The following OPN3 variants were observed in gnomAD, a reference collection of about 807,000 sequenced individuals.
OPN3 encodes the protein opsin-3.
OPN3 carries 29 observed loss-of-function variants against 33.8 expected under a neutral mutation model. That is an observed-to-expected ratio of 0.86 (90% confidence interval 0.64 to 1.17). The LOEUF (loss-of-function observed/expected upper bound fraction) is 1.17, where lower values mean the gene tolerates loss of function less well. Among genes scored for constraint, OPN3 ranks in the 50% most tolerant of loss-of-function variants. The probability of loss-of-function intolerance (pLI) is 0.00; values close to 1 mark genes in which losing one functional copy is unlikely to be tolerated. For synonymous variants in OPN3, 216 were observed against 216.1 expected (o/e 1.00, Z 0.00); for missense variants, 437 against 514.1 (o/e 0.85, Z 1.45).
At chr1:241,623,890 C>T (rs12144208) in intron 1 of OPN3, among the ~76,000 whole-genome samples, 199 of 152,360 alleles carry the variant, frequency 1.3e-3, no homozygotes, top group Non-Finnish European at 2.4e-3. Flanking sequence ...TCAAGAAAAA[C>T]TTTCCACAGT....
At chr1:241,619,130 G>A (rs527740048) in intron 1 of OPN3, among the ~76,000 whole-genome samples, 1 of 152,242 alleles carries the variant, frequency 6.6e-6, no homozygotes, top group East Asian at 1.9e-4. Flanking sequence ...TTTGGAACTT[G>A]AGAACTTTCA....
At chr1:241,615,036 T>C (rs189287917) in intron 1 of OPN3, among the ~76,000 whole-genome samples, 1 of 152,230 alleles carries the variant, frequency 6.6e-6, no homozygotes, top group Admixed American at 6.5e-5. Context: ...AACAAGATGG[T>C]TAACAATGCA....
At chr1:241,607,880 T>C (rs1183381396) in intron 1 of OPN3, among the ~76,000 whole-genome samples, 2 of 152,306 alleles carry the variant, frequency 1.3e-5, no homozygotes, top group East Asian at 1.9e-4. Context: ...TAGTGATTAT[T>C]GGGACAATGA....
chr1:241,631,220 T>G (rs1664622205), intron 1 of OPN3: 1 of 152,096 alleles, frequency 6.6e-6, no homozygotes, highest in South Asian at 2.1e-4. Flanking sequence ...AATATATTCA[T>G]TTTCTTCATT....
At chr1:241,600,628 C>G (rs2071463485) in intron 2 of OPN3, 1 of 152,132 alleles carries the variant, frequency 6.6e-6, no homozygotes, top group South Asian at 2.1e-4. Flanking sequence ...AGCTATGTCT[C>G]CATCGTTGTT....
chr1:241,594,858 G>A (rs1413496559), intron 3 of OPN3, 167 bp from the exon 4 acceptor site: 1 of 669,850 alleles, frequency 1.5e-6, no homozygotes, highest in African/African-American at 1.8e-5. Context: ...TCACCCCAGA[G>A]CTTTATGTCT....
intron 1 of OPN3, chr1:241,628,751 T>C (rs952965300): frequency 6.6e-6 from 1 of 152,212 alleles, no homozygotes; most frequent in Non-Finnish European, 1.5e-5. Context: ...GCCACACATA[T>C]CTGAAGATGA....
At chr1:241,597,670 C>A (rs1663562583) in intron 3 of OPN3, 76 bp downstream of exon 3, 22 of 1,400,876 alleles carry the variant, frequency 1.6e-5, no homozygotes, top group Non-Finnish European at 2.0e-5. Context: ...CTCTGAATCA[C>A]CTCTGTAAAA....
At chr1:241,610,982 T>A (rs1663975672) in intron 1 of OPN3, among the ~76,000 whole-genome samples, 1 of 152,100 alleles carries the variant, frequency 6.6e-6, no homozygotes, top group East Asian at 1.9e-4. Flanking sequence ...AAAGTGGTAA[T>A]GCGTAAGGTA....
intron 1 of OPN3, chr1:241,631,345 T>C (rs761607713): frequency 6.6e-6 from 1 of 152,132 alleles, no homozygotes; most frequent in Non-Finnish European, 1.5e-5. Context: ...TAATCTGTGA[T>C]ACTGAAAATC....
chr1:241,631,868 C>G (rs1047693204), intron 1 of OPN3: 1 of 152,048 alleles, frequency 6.6e-6, no homozygotes, highest in Admixed American at 6.6e-5. Context: ...TCTCCTGCAG[C>G]GCCTACACTC....
At chr1:241,634,787 T>A (rs1342542285) in intron 1 of OPN3, 1 of 1,613,846 alleles carries the variant, frequency 6.2e-7, no homozygotes, top group African/African-American at 1.3e-5. Flanking sequence ...TTTTTTAGTT[T>A]TTAAGTATTC....
At chr1:241,600,201 C>T (rs1413789263) in intron 2 of OPN3, among the ~76,000 whole-genome samples, 1 of 152,194 alleles carries the variant, frequency 6.6e-6, no homozygotes, top group Non-Finnish European at 1.5e-5. Flanking sequence ...TCCCCAGTTC[C>T]TCTTTGGGAT....
At chr1:241,639,776 C>A in intron 1 of OPN3, 106 bp downstream of exon 1, 2 of 982,350 alleles carry the variant, frequency 2.0e-6, no homozygotes, top group South Asian at 4.4e-5. Context: ...CGGGGCCGAG[C>A]GGGAAGCGGT....
chr1:241,628,451 C>T (rs572061147), intron 1 of OPN3, among the ~76,000 whole-genome samples: 14 of 152,214 alleles, frequency 9.2e-5, no homozygotes, highest in African/African-American at 2.9e-4. Context: ...AAGGGTCTGT[C>T]GCATCCTCAG....
intron 1 of OPN3, chr1:241,615,961 C>T (rs1315671913): frequency 6.6e-6 from 3 of 456,694 alleles, no homozygotes; most frequent in Non-Finnish European, 1.3e-5. Flanking sequence ...ACATTAACAT[C>T]TCATGGAGCA....
chr1:241,600,954 C>T (rs1161428090), intron 2 of OPN3: 2 of 152,002 alleles, frequency 1.3e-5, no homozygotes, highest in Non-Finnish European at 2.9e-5. Flanking sequence ...TATGGTAGTA[C>T]ACAGGATGGG....
intron 1 of OPN3, chr1:241,634,169 T>C: frequency 6.2e-7 from 1 of 1,613,990 alleles, no homozygotes; most frequent in East Asian, 2.2e-5. Flanking sequence ...TGTTTCAGTA[T>C]ACGGAGTGAA....
At chr1:241,609,525 G>C (rs1663931682) in intron 1 of OPN3, among the ~76,000 whole-genome samples, 2 of 152,220 alleles carry the variant, frequency 1.3e-5, no homozygotes, top group African/African-American at 4.8e-5. Context: ...GTGCTGAGTA[G>C]GTCTTTTGGA....
Sources: allele counts gnomAD v4.1 joint callset (sites outside exome capture counted in the v4.1 genomes callset), GRCh38; gene constraint gnomAD v4.1.1; transcripts MANE v1.5; gene names NCBI Gene and HGNC (gene_info 2026-07-23, HGNC 2026-07-21).